The following SMARCD1 variants were observed in gnomAD, a reference collection of about 807,000 sequenced individuals.
The protein encoded by SMARCD1 is SWI/SNF related BAF chromatin remodeling complex subunit D1.
A neutral mutation model predicts 70.8 loss-of-function variants in SMARCD1; 16 were observed. The ratio of observed to expected loss-of-function variants is 0.23; its 90% CI spans 0.15 to 0.34. SMARCD1 has a LOEUF of 0.34. SMARCD1 is among the 10% of genes least tolerant of loss of function. The pLI is 1.00. For missense variants in SMARCD1, 409 were observed against 655.5 expected (o/e 0.62, Z 4.11); for synonymous variants, 249 against 246.0 (o/e 1.01, Z -0.11).
intron 5 of SMARCD1, 195 bp from the exon 6 acceptor site, chr12:50,088,326 T>G (rs779940074): frequency 2.7e-5 from 19 of 697,822 alleles, no homozygotes; most frequent in South Asian, 1.3e-4. Context: ...CTAGGCTGCT[T>G]CTTCAGGGTT....
intron 11 of SMARCD1, among the ~76,000 whole-genome samples, chr12:50,097,449 G>A (rs1950902528): frequency 6.6e-6 from 1 of 152,142 alleles, no homozygotes; most frequent in African/African-American, 2.4e-5. Flanking sequence ...CTACTTGGGA[G>A]GCTAAGGCAG....
chr12:50,090,329 AATAT>A lies in SMARCD1; in HGVS notation c.965_968del (p.Tyr322LeufsTer30). ...CCAGTGATCATCCAAGCACTGTGGC[AATAT>A]ATTAAGACACATAAGCTCCAGGACC... On this transcript the variant is annotated frameshift_variant, in exon 8 of 13. Transcript: ENST00000394963. LOFTEE classifies it high-confidence loss of function. 6.2e-7 allele frequency: 1 copy of A among 1,614,144 alleles called. No individual in the cohort carries two copies. Among genetic ancestry groups the A allele is most frequent in the South Asian group, 1.1e-5 (1 of 91,074 alleles).
At chr12:50,090,122 C>T (rs568262785) in intron 7 of SMARCD1, 119 bp from the exon 8 acceptor site, 1 of 1,316,824 alleles carries the variant, frequency 7.6e-7, no homozygotes, top group African/African-American at 1.5e-5. Context: ...TCTCTGAGTT[C>T]TTCCTAGAAT....
At chr12:50,090,183 A>G in intron 7 of SMARCD1, 58 bp from the exon 8 acceptor site, 1 of 1,496,416 alleles carries the variant, frequency 6.7e-7, no homozygotes, top group Non-Finnish European at 9.1e-7. Context: ...GCTTGAATGT[A>G]TTGCTGCATA....
Position 50,099,083 on chromosome 12 carries a change from C to A in SMARCD1, c.*83C>A. 1.5e-6 allele frequency: 2 copies of A among 1,377,136 alleles called. No individual in the cohort carries two copies. The highest frequency in any genetic ancestry group is 1.2e-5 in the South Asian group (1 of 85,920). 85.3% of individuals were successfully genotyped at this position (1,377,136 alleles called of 1,614,324 possible). On this transcript the variant is annotated 3_prime_UTR_variant, in exon 13 of 13. Coordinates refer to ENST00000394963, the MANE Select transcript of SMARCD1 (RefSeq NM_003076.5). ...CCTGCCTCATAGTATCTGCCTTGGT[C>A]TTGCTTGGGGCGTTCCAGGGGATGC...
rs1224545105 is a variant in SMARCD1 at position 50,086,073 on chromosome 12, C to T, written c.178-88C>T. 17 of 1,050,788 alleles carry T rather than the reference C, an allele frequency of 1.6e-5. No individual in the cohort carries two copies. The East Asian group carries it at 4.3e-4, about 27-fold the overall frequency. The allele number at this position is 1,050,788 out of a possible 1,614,324, so 65.1% of individuals were successfully genotyped here. Reference sequence around the variant, plus strand: ...TTCCATCCCTAAACCTTACTTCATTCAAAGATCTCAGGCGTTCCCTGCTTT... The same window carrying T: ...TTCCATCCCTAAACCTTACTTCATTTAAAGATCTCAGGCGTTCCCTGCTTT... On this transcript the variant is annotated intron_variant, in intron 1 of 12. Transcript: ENST00000394963.
intron 10 of SMARCD1, among the ~76,000 whole-genome samples, chr12:50,094,788 C>T (rs1319434057): frequency 6.6e-6 from 1 of 152,100 alleles, no homozygotes; most frequent in Non-Finnish European, 1.5e-5. Flanking sequence ...GGAATAGAGA[C>T]CATAGTACCT....
Position 50,085,435 on chromosome 12 carries a change from G to T in SMARCD1, c.66G>T (p.Ala22=). The part of the protein sequence containing the change: ...PSGGAGASGG[A]GAAAALGPGG... ...GCGGCGCCGGAGCCTCAGGAGGGGCGGGCGCGGCTGCTGCCTTGGGCCCGG... is the reference window on the plus strand; with the variant it reads ...GCGGCGCCGGAGCCTCAGGAGGGGCTGGCGCGGCTGCTGCCTTGGGCCCGG... Residue 22 remains alanine (A), a synonymous_variant, in exon 1 of 13, where the codon GCG becomes GCT. Transcript: ENST00000394963. 8.1e-7 allele frequency: 1 copy of T among 1,241,834 alleles called. No homozygotes were observed. The highest frequency in any genetic ancestry group is 1.0e-6 in the Non-Finnish European group (1 of 994,248). The allele number at this position is 1,241,834 out of a possible 1,614,324, so 76.9% of individuals were successfully genotyped here. A position where few individuals can be genotyped will look rare whatever the true frequency, so the allele number is the denominator to read the frequency against.
intron 6 of SMARCD1, among the ~76,000 whole-genome samples, chr12:50,089,660 A>AT (rs1950823508): frequency 1.3e-5 from 2 of 152,276 alleles, no homozygotes; most frequent in Admixed American, 1.3e-4. Context: ...ATCACTGGAC[A>AT]TTGAGGCTTA....
At chr12:50,086,045 C>T (rs1950785679) in intron 1 of SMARCD1, 116 bp from the exon 2 acceptor site, 7 of 739,090 alleles carry the variant, frequency 9.5e-6, no homozygotes, top group Non-Finnish European at 1.2e-5. Flanking sequence ...TCATTGTCCT[C>T]CATTCCATCC....
At chr12:50,092,210 T>G (rs1950850348) in intron 9 of SMARCD1, among the ~76,000 whole-genome samples, 1 of 149,718 alleles carries the variant, frequency 6.7e-6, no homozygotes, top group African/African-American at 2.5e-5. Context: ...GGTAAGGGCT[T>G]TCTTTTCTTT....
chr12:50,096,729 C>A, intron 10 of SMARCD1, 121 bp from the exon 11 acceptor site: 1 of 833,512 alleles, frequency 1.2e-6, no homozygotes, highest in Non-Finnish European at 1.9e-6. Flanking sequence ...ATGATGGTGC[C>A]AGCTGTGGGC....
chr12:50,089,848 C>G, intron 6 of SMARCD1, 36 bp from the exon 7 acceptor site: 1 of 1,451,836 alleles, frequency 6.9e-7, no homozygotes, highest in Non-Finnish European at 9.7e-7. Context: ...AGCTCTTCCT[C>G]TGGGAGAGCA....
chr12:50,085,384 G>A lies in SMARCD1; in HGVS notation c.15G>A (p.Ala5=), dbSNP rs1451809588. 3 of 1,264,466 alleles carry A rather than the reference G, an allele frequency of 2.4e-6. No homozygotes were observed. Among genetic ancestry groups the A allele is most frequent in the African/African-American group, 3.1e-5 (2 of 65,284 alleles). 78.3% of individuals were successfully genotyped at this position (1,264,466 alleles called of 1,614,324 possible). Residue 5 remains alanine, a synonymous_variant, in exon 1 of 13, where the codon GCG becomes GCA. Coordinates refer to ENST00000394963, the MANE Select transcript of SMARCD1 (RefSeq NM_003076.5). ...GCTCCGGGAAGATGGCGGCCCGGGCGGGTTTCCAGTCTGTGGCTCCAAGCG... is the reference window on the plus strand; with the variant it reads ...GCTCCGGGAAGATGGCGGCCCGGGCAGGTTTCCAGTCTGTGGCTCCAAGCG... MAAR[A]GFQSVAPSGG... is the part of the protein sequence containing the mutation.
chr12:50,096,840 T>G lies in SMARCD1; in HGVS notation c.1270-10T>G. ...TTTGAAAATGGTATGAGCTTCGTTCTTCCTTTCAGATCCATGAGACAATAG... is the reference window on the plus strand; with the variant it reads ...TTTGAAAATGGTATGAGCTTCGTTCGTCCTTTCAGATCCATGAGACAATAG... On this transcript the variant is annotated splice_polypyrimidine_tract_variant and intron_variant, in intron 10 of 12. Coordinates refer to ENST00000394963, the MANE Select transcript of SMARCD1 (RefSeq NM_003076.5). 6.3e-7 allele frequency: 1 copy of G among 1,599,382 alleles called. No homozygotes were observed. The highest frequency in any genetic ancestry group is 8.6e-7 in the Non-Finnish European group (1 of 1,169,424).
rs913376688 is a variant in SMARCD1 at position 50,086,895 on chromosome 12, C to G, written c.531+17C>G. 12 of 1,613,372 alleles carry G rather than the reference C, an allele frequency of 7.4e-6. No individual in the cohort carries two copies. Among genetic ancestry groups the G allele is most frequent in the Non-Finnish European group, 1.0e-5 (12 of 1,179,730 alleles). On this transcript the variant is annotated intron_variant, in intron 4 of 12. Transcript: ENST00000394963. The stretch of plus-strand genomic sequence containing the variant: ...CCCATCAAGGTAACACAGGAAAGTA[C>G]TAGGCAGAGAGCCAAAGGAGAGGAC...
chr12:50,099,336 A>G lies in SMARCD1; in HGVS notation c.*336A>G, dbSNP rs911909413. On this transcript the variant is annotated 3_prime_UTR_variant, in exon 13 of 13. Coordinates refer to ENST00000394963, the MANE Select transcript of SMARCD1 (RefSeq NM_003076.5). Reference sequence around the variant, plus strand: ...TGGGCCTCAGGCCAGGTGGTCTTCAAGGGGACCAGCTAACTGATCCTGCCC... The same window carrying G: ...TGGGCCTCAGGCCAGGTGGTCTTCAGGGGGACCAGCTAACTGATCCTGCCC... 4.1e-6 allele frequency: 2 copies of G among 484,688 alleles called. No individual in the cohort carries two copies. The highest frequency in any genetic ancestry group is 1.9e-5 in the African/African-American group (1 of 51,486). 30.0% of individuals were successfully genotyped at this position (484,688 alleles called of 1,614,324 possible).
intron 10 of SMARCD1, 57 bp downstream of exon 10, chr12:50,094,629 G>T: frequency 6.5e-7 from 1 of 1,534,442 alleles, no homozygotes; most frequent in Non-Finnish European, 8.9e-7. Flanking sequence ...CAGCTTCAAG[G>T]CCTCCTTTTG....
intron 6 of SMARCD1, chr12:50,089,554 TA>T (rs1381297761): frequency 3.3e-5 from 7 of 211,268 alleles, no homozygotes; most frequent in Admixed American, 3.2e-4. Context: ...ATAATCCAGG[TA>T]AATGTCTTAG....
Sources: gnomAD v4.1 joint callset for allele counts (sites outside exome capture counted in the v4.1 genomes callset) on GRCh38, gnomAD v4.1.1 for gene constraint, MANE v1.5 for transcripts, NCBI Gene and HGNC (gene_info 2026-07-23, HGNC 2026-07-21) for gene names.